Variants in DDIT4 observed in about 807,000 individuals in gnomAD.
DDIT4 encodes DNA damage inducible transcript 4.
In DDIT4, 20 loss-of-function variants were observed where a neutral mutation model predicts 20.2. That is an observed-to-expected ratio of 0.99 (90% CI 0.70 to 1.44). DDIT4 has a LOEUF of 1.44. Ranked by LOEUF, DDIT4 falls within the 40% of genes most tolerant of loss-of-function variation. The pLI is 0.00. For missense variants in DDIT4, 316 were observed against 298.1 expected (o/e 1.06, Z -0.44); for synonymous variants, 152 against 144.6 (o/e 1.05, Z -0.37).
At position 72,274,208 on chromosome 10, in the gene DDIT4, G is replaced by A. The variant is rs1860797741; in HGVS notation, c.-9G>A. 5 of 1,610,650 alleles carry A rather than the reference G, an allele frequency of 3.1e-6. No homozygotes were observed. On this transcript the variant is annotated 5_prime_UTR_variant, in exon 2 of 3. Transcript: ENST00000307365. ...TTCATCAGCAAACGCCCTGGCGTCT[G>A]TCCTCACCATGCCTAGCCTTTGGGA...
rs1860821894 is a variant in DDIT4 at position 72,275,633 on chromosome 10, G to C, written c.*445G>C. Reference sequence around the variant, plus strand: ...TGGAGGTGGTTTGTGTATCTTACTGGTCTGAAGGGACCAAGTGTGTTTGTT... The same window carrying C: ...TGGAGGTGGTTTGTGTATCTTACTGCTCTGAAGGGACCAAGTGTGTTTGTT... On this transcript the variant is annotated 3_prime_UTR_variant, in exon 3 of 3. Coordinates refer to ENST00000307365, the MANE Select transcript of DDIT4 (RefSeq NM_019058.4). 5.5e-6 allele frequency: 1 copy of C among 181,864 alleles called. No homozygotes were observed. Among genetic ancestry groups the C allele is most frequent in the Non-Finnish European group, 1.2e-5 (1 of 85,018 alleles). 11.3% of individuals were successfully genotyped at this position (181,864 alleles called of 1,614,324 possible).
chr10:72,275,053 G>A lies in DDIT4; in HGVS notation c.564G>A (p.Lys188=). ...GCCTGGACTCACGACTCTGGCCCAA[G>A]ATCCAGGGGCTGTTTAGCTCCGCCA... ...VLRLDSRLWP[K]IQGLFSSANS... is the part of the protein sequence containing the mutation. Residue 188 remains lysine (K), a synonymous_variant, in exon 3 of 3, where the codon AAG becomes AAA. Transcript: ENST00000307365. 1 of 1,613,636 alleles carries A rather than the reference G, an allele frequency of 6.2e-7. No homozygotes were observed.
At position 72,274,965 on chromosome 10, in the gene DDIT4, G is replaced by A; in HGVS notation, c.476G>A (p.Ser159Asn). Residue 159 changes from serine to asparagine, a missense_variant, in exon 3 of 3, where the codon AGC becomes AAC. By Grantham distance (46) the Ser-to-Asn change is conservative. Transcript: ENST00000307365. ...VCVEQGKSCH[S>N]VGQLALDPSL... ...GTGGAGCAGGGCAAGAGCTGCCACAGCGTGGGCCAGCTGGCACTCGACCCC... is the reference window on the plus strand; with the variant it reads ...GTGGAGCAGGGCAAGAGCTGCCACAACGTGGGCCAGCTGGCACTCGACCCC... 1.2e-6 allele frequency: 2 copies of A among 1,613,010 alleles called. No homozygotes were observed. The highest frequency in any genetic ancestry group is 1.7e-6 in the Non-Finnish European group (2 of 1,179,952).
Position 72,274,249 on chromosome 10 carries a change from G to C in DDIT4, c.33G>C (p.Ser11=), listed in dbSNP as rs1420305161. The change falls in exon 2 of 3, where the codon TCG becomes TCC. Residue 11 remains serine, a synonymous_variant. Coordinates refer to ENST00000307365, the MANE Select transcript of DDIT4 (RefSeq NM_019058.4). MPSLWDRFSS[S]STSSSPSSLP... The stretch of plus-strand genomic sequence containing the variant: ...GCCTTTGGGACCGCTTCTCGTCGTC[G>C]TCCACCTCCTCTTCGCCCTCGTCCT... 6.2e-7 allele frequency: 1 copy of C among 1,613,750 alleles called. No homozygotes were observed. The highest frequency in any genetic ancestry group is 8.5e-7 in the Non-Finnish European group (1 of 1,179,940).
chr10:72,273,987 TG>T lies in DDIT4; in HGVS notation c.-132del. On this transcript the variant is annotated 5_prime_UTR_variant, in exon 1 of 3. Coordinates refer to ENST00000307365, the MANE Select transcript of DDIT4 (RefSeq NM_019058.4). ...ACGGGTCTGGGCGGCTCTCGGTGGT[TG>T]GCACGGGTTCGCACACCCATTCAAG... 9.8e-6 allele frequency: 4 copies of T among 407,744 alleles called. No individual in the cohort carries two copies. Among genetic ancestry groups the T allele is most frequent in the Non-Finnish European group, 1.3e-5 (3 of 230,092 alleles). 25.3% of individuals were successfully genotyped at this position (407,744 alleles called of 1,614,324 possible).
chr10:72,275,520 G>C lies in DDIT4; in HGVS notation c.*332G>C. On this transcript the variant is annotated 3_prime_UTR_variant, in exon 3 of 3. Transcript: ENST00000307365. ...TGGTGTGACATCCAGAGAGCAGCTGGGCTGCTCCCGCCCCAGCCCGGCCCA... is the reference window on the plus strand; with the variant it reads ...TGGTGTGACATCCAGAGAGCAGCTGCGCTGCTCCCGCCCCAGCCCGGCCCA... 4.4e-6 allele frequency: 1 copy of C among 225,828 alleles called. No homozygotes were observed. The highest frequency in any genetic ancestry group is 8.8e-6 in the Non-Finnish European group (1 of 113,772). 14.0% of individuals were successfully genotyped at this position (225,828 alleles called of 1,614,324 possible).
chr10:72,274,674 C>A (rs753675378), intron 2 of DDIT4, 21 bp from the exon 3 acceptor site: 146 of 1,592,642 alleles, frequency 9.2e-5, no homozygotes, highest in Non-Finnish European at 1.2e-4. Context: ...AATACCCCTT[C>A]CTGTGTGCTC....
Position 72,274,744 on chromosome 10 carries a change from T to G in DDIT4, c.255T>G (p.Ser85Arg), listed in dbSNP as rs1391385705. Residue 85 changes from serine to arginine, a missense_variant, in exon 3 of 3, where the codon AGT becomes AGG. Transcript: ENST00000307365. ...GVSLPDFELL[S>R]DPEDEHLCAN... ...CGTTGCCCGACTTCGAGCTGCTCAG[T>G]GACCCTGAGGATGAACACTTGTGTG... The G allele has an allele frequency of 6.2e-7, 1 of 1,613,850 alleles. No individual in the cohort carries two copies.
chr10:72,275,183 T>C lies in DDIT4; in HGVS notation c.694T>C (p.Cys232Arg), dbSNP rs750471360. ...CTCGGAACAGCTGCTCATTGAGGAG[T>C]GTTGAACTTCAACCTGAGGGGGCCG... ...YSSEQLLIEEC is the reference protein window; with the variant it reads ...YSSEQLLIEER Residue 232 changes from cysteine to arginine, a missense_variant, in exon 3 of 3, where the codon TGT becomes CGT. Physicochemically the swap from Cys to Arg is radical, Grantham distance 180. Coordinates refer to ENST00000307365, the MANE Select transcript of DDIT4 (RefSeq NM_019058.4). The C allele has an allele frequency of 1.7e-5, 28 of 1,607,494 alleles. No homozygotes were observed. Among genetic ancestry groups the C allele is most frequent in the Non-Finnish European group, 2.4e-5 (28 of 1,178,856 alleles).
chr10:72,274,574 C>A, intron 2 of DDIT4, 121 bp from the exon 3 acceptor site: 2 of 1,431,576 alleles, frequency 1.4e-6, no homozygotes, highest in Non-Finnish European at 1.9e-6. Flanking sequence ...GTGAGTGAGG[C>A]GGAAACTGAG....
Position 72,274,258 on chromosome 10 carries a change from C to T in DDIT4, c.42C>T (p.Ser14=), listed in dbSNP as rs768621149. The T allele has an allele frequency of 3.1e-6, 5 of 1,613,836 alleles. No homozygotes were observed. The Admixed American group carries it at 5.0e-5, about 16-fold the overall frequency. ...ACCGCTTCTCGTCGTCGTCCACCTC[C>T]TCTTCGCCCTCGTCCTTGCCCCGAA... ...LWDRFSSSST[S]SSPSSLPRTP... The change falls in exon 2 of 3, where the codon TCC becomes TCT. Residue 14 remains serine, a synonymous_variant. Transcript: ENST00000307365.
At position 72,273,994 on chromosome 10, in the gene DDIT4, G is replaced by C; in HGVS notation, c.-127G>C. 1 of 473,166 alleles carries C rather than the reference G, an allele frequency of 2.1e-6. No homozygotes were observed. Among genetic ancestry groups the C allele is most frequent in the South Asian group, 3.0e-5 (1 of 32,960 alleles). 29.3% of individuals were successfully genotyped at this position (473,166 alleles called of 1,614,324 possible). A position where few individuals can be genotyped will look rare whatever the true frequency, so the allele number is the denominator to read the frequency against. On this transcript the variant is annotated 5_prime_UTR_variant, in exon 1 of 3. Transcript: ENST00000307365. ...TGGGCGGCTCTCGGTGGTTGGCACG[G>C]GTTCGCACACCCATTCAAGCGGCAG...
Position 72,275,485 on chromosome 10 carries a change from CA to C in DDIT4, c.*298del. On this transcript the variant is annotated 3_prime_UTR_variant, in exon 3 of 3. Coordinates refer to ENST00000307365, the MANE Select transcript of DDIT4 (RefSeq NM_019058.4). ...TGTACCTTATTATTTTTGTTACTGA[CA>C]GTTAACAGTGGTGTGACATCCAGAG... is the stretch of plus-strand genomic sequence containing the variant. The C allele has an allele frequency of 3.4e-6, 1 of 295,370 alleles. No homozygotes were observed. The highest frequency in any genetic ancestry group is 6.4e-6 in the Non-Finnish European group (1 of 156,640). The allele number at this position is 295,370 out of a possible 1,614,324, so 18.3% of individuals were successfully genotyped here.
Position 72,275,271 on chromosome 10 carries a change from G to A in DDIT4, c.*83G>A. The A allele has an allele frequency of 6.8e-7, 1 of 1,460,910 alleles. No homozygotes were observed. The highest frequency in any genetic ancestry group is 9.1e-7 in the Non-Finnish European group (1 of 1,094,322). The allele number at this position is 1,460,910 out of a possible 1,614,324, so 90.5% of individuals were successfully genotyped here. A position where few individuals can be genotyped will look rare whatever the true frequency, so the allele number is the denominator to read the frequency against. On this transcript the variant is annotated 3_prime_UTR_variant, in exon 3 of 3. Coordinates refer to ENST00000307365, the MANE Select transcript of DDIT4 (RefSeq NM_019058.4). ...GGTGGAGACTAGAGGCAGGAGCTGA[G>A]GGACTGATTCCTGTGGTTGGAAAAC...
At position 72,274,387 on chromosome 10, in the gene DDIT4, G is replaced by A. The variant is rs1471019567; in HGVS notation, c.171G>A (p.Leu57=). ...TGGAGAGCTCGGACTGCGAGTCCCT[G>A]GACAGCAGCAACAGTGGCTTCGGGC... ...TSLESSDCES[L]DSSNSGFGPE... Residue 57 remains leucine, a synonymous_variant, in exon 2 of 3, where the codon CTG becomes CTA. Transcript: ENST00000307365. 3.1e-6 allele frequency: 5 copies of A among 1,597,082 alleles called. No individual in the cohort carries two copies. The highest frequency in any genetic ancestry group is 2.2e-5 in the East Asian group (1 of 44,666).
In DDIT4 at chr10:72,274,211, C is replaced by A; in HGVS notation, c.-6C>A. 6.2e-7 allele frequency: 1 copy of A among 1,611,946 alleles called. No homozygotes were observed. The highest frequency in any genetic ancestry group is 8.5e-7 in the Non-Finnish European group (1 of 1,178,450). Reference sequence around the variant, plus strand: ...ATCAGCAAACGCCCTGGCGTCTGTCCTCACCATGCCTAGCCTTTGGGACCG... The same window carrying A: ...ATCAGCAAACGCCCTGGCGTCTGTCATCACCATGCCTAGCCTTTGGGACCG... On this transcript the variant is annotated 5_prime_UTR_variant, in exon 2 of 3. Transcript: ENST00000307365.
rs1341357185 is a variant in DDIT4 at position 72,274,266 on chromosome 10, C to T, written c.50C>T (p.Pro17Leu). ...TCGTCGTCGTCCACCTCCTCTTCGC[C>T]CTCGTCCTTGCCCCGAACTCCCACC... ...RFSSSSTSSS[P>L]SSLPRTPTPD... The change falls in exon 2 of 3, where the codon CCC (proline) becomes CTC (leucine). Residue 17 changes from proline to leucine, a missense_variant. Physicochemically the swap from Pro to Leu is moderately conservative, Grantham distance 98. Transcript: ENST00000307365. 1.2e-6 allele frequency: 2 copies of T among 1,613,752 alleles called. No homozygotes were observed. The highest frequency in any genetic ancestry group is 1.7e-5 in the Admixed American group (1 of 60,024).
chr10:72,275,823 TC>T lies in DDIT4; in HGVS notation c.*640del, dbSNP rs1184015294. On this transcript the variant is annotated 3_prime_UTR_variant, in exon 3 of 3. Coordinates refer to ENST00000307365, the MANE Select transcript of DDIT4 (RefSeq NM_019058.4). ...ACACCTGGCAGCTGCGTTTAAGCCT[TC>T]CCCCATCGTGTACTGCAGAGTTGAG... is the stretch of plus-strand genomic sequence containing the variant. The T allele has an allele frequency of 2.6e-5, 4 of 152,640 alleles. No individual in the cohort carries two copies. Among genetic ancestry groups the T allele is most frequent in the Non-Finnish European group, 5.9e-5 (4 of 68,210 alleles). The allele number at this position is 152,640 out of a possible 1,614,324, so 9.5% of individuals were successfully genotyped here. A position where few individuals can be genotyped will look rare whatever the true frequency, so the allele number is the denominator to read the frequency against.
Position 72,273,988 on chromosome 10 carries a change from G to GGCACGGGTTC in DDIT4, c.-128_-119dup, listed in dbSNP as rs1359014832. ...CGGGTCTGGGCGGCTCTCGGTGGTT[G>GGCACGGGTTC]GCACGGGTTCGCACACCCATTCAAG... On this transcript the variant is annotated 5_prime_UTR_variant, in exon 1 of 3. Coordinates refer to ENST00000307365, the MANE Select transcript of DDIT4 (RefSeq NM_019058.4). 2 of 560,344 alleles carry GGCACGGGTTC rather than the reference G, an allele frequency of 3.6e-6. No individual in the cohort carries two copies. Among genetic ancestry groups the GGCACGGGTTC allele is most frequent in the Non-Finnish European group, 6.4e-6 (2 of 311,910 alleles). The allele number at this position is 560,344 out of a possible 1,614,324, so 34.7% of individuals were successfully genotyped here.
Sources: allele counts gnomAD v4.1 joint callset, GRCh38; gene constraint gnomAD v4.1.1; transcripts MANE v1.5; gene names NCBI Gene and HGNC (gene_info 2026-07-23, HGNC 2026-07-21).